Variants in BAZ2B observed in about 807,000 individuals in gnomAD.
The protein encoded by BAZ2B is bromodomain adjacent to zinc finger domain 2B.
A neutral mutation model predicts 246.0 loss-of-function variants in BAZ2B; 91 were observed. That is an observed-to-expected ratio of 0.37 (90% CI 0.31 to 0.44). The LOEUF (loss-of-function observed/expected upper bound fraction) is 0.44. Ranked by LOEUF, BAZ2B falls within the 20% of genes least tolerant of loss-of-function variation. BAZ2B has a pLI of 1.00. For synonymous variants in BAZ2B, 855 were observed against 860.0 expected, an observed-to-expected ratio of 0.99 and a Z score of 0.10; for missense variants, 2,332 against 2,533.7, an observed-to-expected ratio of 0.92 and a Z score of 1.71.
chr2:159,423,859 T>C (rs1285940568), intron 13 of BAZ2B, among the ~76,000 whole-genome samples: 1 of 152,138 alleles, frequency 6.6e-6, no homozygotes, highest in Non-Finnish European at 1.5e-5. Flanking sequence ...GGAGACTACT[T>C]GAGCGGGGAA....
At chr2:159,696,222 G>T in the BAZ2B span, among the ~76,000 whole-genome samples, 1 of 152,016 alleles carries the variant, frequency 6.6e-6, no homozygotes, top group Non-Finnish European at 1.5e-5. Flanking sequence ...CTGTGAACAG[G>T]ACTGGCTGTT....
chr2:159,687,841 C>T, the BAZ2B span, among the ~76,000 whole-genome samples: 1 of 152,072 alleles, frequency 6.6e-6, no homozygotes, highest in Non-Finnish European at 1.5e-5. Context: ...CCCTACTTAG[C>T]CTGTGGGGTC....
intron 6 of BAZ2B, among the ~76,000 whole-genome samples, chr2:159,440,534 T>TTC (rs2073192781): frequency 2.0e-5 from 3 of 146,788 alleles, no homozygotes; most frequent in Non-Finnish European, 3.0e-5. Context: ...TTTTTTTTTT[T>TTC]CGGGGACAGT....
chr2:159,371,057 G>A (rs1029144518), intron 27 of BAZ2B, among the ~76,000 whole-genome samples: 4 of 151,688 alleles, frequency 2.6e-5, no homozygotes, highest in African/African-American at 9.7e-5. Flanking sequence ...ATCTGCCCGC[G>A]TTGACCTCAC....
At chr2:159,340,332 G>A (rs2066437188) in intron 31 of BAZ2B, among the ~76,000 whole-genome samples, 2 of 152,064 alleles carry the variant, frequency 1.3e-5, no homozygotes, top group South Asian at 4.1e-4. Context: ...GTTACAGAAG[G>A]TGAAGAGAAG....
chr2:159,446,906 G>A lies in BAZ2B; in HGVS notation c.572C>T (p.Thr191Ile). Residue 191 changes from threonine to isoleucine, a missense_variant, in exon 6 of 37, where the codon ACT (threonine) becomes ATT (isoleucine). Thr to Ile is a moderately conservative substitution (Grantham distance 89). Around this residue, in one of 9 missense-constraint regions of BAZ2B, gnomAD observed 242 missense variants for 237.4 expected, o/e 1.02. Transcript: ENST00000392783. ...VIGINTSVLSTTASSSMGQTK... is the reference protein window; with the variant it reads ...VIGINTSVLSITASSSMGQTK... ...TTGTCCCATGGAACTTGAAGCAGTA[G>A]TGGATAGTACAGATGTGTTGATACC... 1 of 1,613,660 alleles carries A rather than the reference G, an allele frequency of 6.2e-7. No individual in the cohort carries two copies. Among genetic ancestry groups the A allele is most frequent in the Non-Finnish European group, 8.5e-7 (1 of 1,179,780 alleles).
the BAZ2B span, among the ~76,000 whole-genome samples, chr2:159,687,300 C>T: frequency 3.3e-5 from 5 of 152,092 alleles, no homozygotes; most frequent in African/African-American, 1.2e-4. Context: ...TGAATTTATG[C>T]TACTAAGGTG....
chr2:159,337,386 G>A, intron 32 of BAZ2B, 181 bp downstream of exon 32: 1 of 1,395,656 alleles, frequency 7.2e-7, no homozygotes, highest in Non-Finnish European at 9.7e-7. Context: ...AAGATACATA[G>A]ATAACAGGCA....
At position 159,440,514 on chromosome 2, in the gene BAZ2B, C is replaced by CTGTTTTT. The variant is rs1234904617; in HGVS notation, c.697-1303_697-1302insAAAAACA. Among the ~76,000 whole-genome samples, 3 of 61,416 alleles carry CTGTTTTT rather than the reference C, an allele frequency of 4.9e-5. 1 individual carries two copies. The highest frequency in any genetic ancestry group is 1.7e-4 in the Non-Finnish European group (3 of 17,630). The allele number at this position is 61,416 out of a possible 152,430, so 40.3% of individuals were successfully genotyped here. On this transcript the variant is annotated intron_variant, in intron 6 of 36. Coordinates refer to ENST00000392783, the MANE Select transcript of BAZ2B (RefSeq NM_013450.4). The stretch of plus-strand genomic sequence containing the variant: ...CCATTATATTCCGTTTGCAATGACT[C>CTGTTTTT]TTGTTTTTTTTTTTTTTTTTCGGGG...
chr2:159,371,099 C>T (rs752642078), intron 27 of BAZ2B, among the ~76,000 whole-genome samples: 17 of 151,148 alleles, frequency 1.1e-4, no homozygotes, highest in Non-Finnish European at 2.1e-4. Context: ...TGAGACACCG[C>T]GCTCGGCCAA....
At chr2:159,520,035 T>C (rs1454524892) in intron 2 of BAZ2B, among the ~76,000 whole-genome samples, 3 of 152,040 alleles carry the variant, frequency 2.0e-5, no homozygotes, top group East Asian at 3.9e-4. Context: ...CATTTACTTT[T>C]TGTTACTGGT....
the BAZ2B span, among the ~76,000 whole-genome samples, chr2:159,677,921 C>T: frequency 6.6e-6 from 1 of 152,138 alleles, no homozygotes; most frequent in African/African-American, 2.4e-5. Flanking sequence ...TCTTAAATTT[C>T]TGTTCTGCAT....
chr2:159,683,784 ACT>A, the BAZ2B span, among the ~76,000 whole-genome samples: 1 of 151,640 alleles, frequency 6.6e-6, no homozygotes, highest in Non-Finnish European at 1.5e-5. Context: ...TCCCCTACTA[ACT>A]CTTTTTTCTC....
At chr2:159,432,551 T>C (rs577769691) in intron 9 of BAZ2B, among the ~76,000 whole-genome samples, 1 of 152,356 alleles carries the variant, frequency 6.6e-6, no homozygotes, top group African/African-American at 2.4e-5. Flanking sequence ...ATTTGTTTAA[T>C]GTCAAATGAA....
At chr2:159,525,169 G>C (rs1026386976) in intron 2 of BAZ2B, among the ~76,000 whole-genome samples, 1 of 152,138 alleles carries the variant, frequency 6.6e-6, no homozygotes, top group African/African-American at 2.4e-5. Flanking sequence ...AAGCAGTGTA[G>C]GAATTTGAAT....
At chr2:159,339,163 T>C (rs1240926101) in intron 31 of BAZ2B, among the ~76,000 whole-genome samples, 1 of 152,006 alleles carries the variant, frequency 6.6e-6, no homozygotes, top group Non-Finnish European at 1.5e-5. Flanking sequence ...GACTCTAAAA[T>C]GGTGTCACAG....
chr2:159,691,494 C>T, the BAZ2B span, among the ~76,000 whole-genome samples: 9 of 152,188 alleles, frequency 5.9e-5, no homozygotes, highest in African/African-American at 2.2e-4. Flanking sequence ...ATTTACAGTA[C>T]TGTACTGTAT....
At chr2:159,550,012 TG>T (rs1422689578) in intron 2 of BAZ2B, among the ~76,000 whole-genome samples, 1 of 151,956 alleles carries the variant, frequency 6.6e-6, no homozygotes, top group African/African-American at 2.4e-5. Flanking sequence ...TTAGTAGAGA[TG>T]GGGTTTTGCC....
At chr2:159,664,852 C>G in the BAZ2B span, among the ~76,000 whole-genome samples, 1 of 144,232 alleles carries the variant, frequency 6.9e-6, no homozygotes, top group African/African-American at 2.6e-5. Flanking sequence ...ATGGTAGTTT[C>G]TTTTGCTGTG....
Sources: gnomAD v4.1 joint callset for allele counts (sites outside exome capture counted in the v4.1 genomes callset) on GRCh38, gnomAD v4.1.1 for gene constraint, gnomAD v4.1.1 regional missense constraint, MANE v1.5 for transcripts, NCBI Gene and HGNC (gene_info 2026-07-23, HGNC 2026-07-21) for gene names.